The following MPHOSPH10 variants were observed in gnomAD, a reference collection of about 807,000 sequenced individuals.
The protein encoded by MPHOSPH10 is U3 small nucleolar ribonucleoprotein MPP10.
MPHOSPH10 carries 33 observed loss-of-function variants against 77.3 expected under a neutral mutation model. That is an observed-to-expected ratio of 0.43 (90% CI 0.32 to 0.57). The LOEUF (loss-of-function observed/expected upper bound fraction) is 0.57, where lower values mean the gene tolerates loss of function less well. Ranked by LOEUF, MPHOSPH10 falls within the 20% of genes least tolerant of loss-of-function variation. MPHOSPH10 has a pLI of 0.07. For missense variants in MPHOSPH10, 708 were observed against 780.1 expected, an observed-to-expected ratio of 0.91 and a Z score of 1.10; for synonymous variants, 245 against 268.0, an observed-to-expected ratio of 0.91 and a Z score of 0.84.
chr2:71,134,225 C>A (rs1040559580), intron 3 of MPHOSPH10, 120 bp downstream of exon 3: 2 of 984,416 alleles, frequency 2.0e-6, no homozygotes, highest in Non-Finnish European at 2.9e-6. Flanking sequence ...CAGATATTCT[C>A]AAGATAGCCA....
chr2:71,133,091 G>T lies in MPHOSPH10; in HGVS notation c.283G>T (p.Val95Phe), dbSNP rs953112485. Residue 95 changes from valine to phenylalanine, a missense_variant, in exon 2 of 11, where the codon GTT becomes TTT. Around this residue, in one of 3 missense-constraint regions of MPHOSPH10, gnomAD observed 433 missense variants for 432.6 expected, o/e 1.00. Coordinates refer to ENST00000244230, the MANE Select transcript of MPHOSPH10 (RefSeq NM_005791.3). ...AATTTTACAATACTTTCAGAATGCA[G>T]TTAGTGAAACAATTAATGATGAAGA... ...EPILQYFQNA[V>F]SETINDEDIS... is the part of the protein sequence containing the mutation. The T allele has an allele frequency of 2.5e-6, 4 of 1,614,204 alleles. No homozygotes were observed. Among genetic ancestry groups the T allele is most frequent in the Non-Finnish European group, 3.4e-6 (4 of 1,180,022 alleles).
At position 71,138,585 on chromosome 2, in the gene MPHOSPH10, C is replaced by A; in HGVS notation, c.1194C>A (p.Asn398Lys). 2 of 1,614,158 alleles carry A rather than the reference C, an allele frequency of 1.2e-6. No homozygotes were observed. The highest frequency in any genetic ancestry group is 2.2e-5 in the South Asian group (2 of 91,084). ...GEVTAQKRPE[N>K]SLLEETLHFD... ...TGACAGCACAGAAGAGGCCAGAGAACAGCCTCCTGGAGGAGACCCTACACT... is the reference window on the plus strand; with the variant it reads ...TGACAGCACAGAAGAGGCCAGAGAAAAGCCTCCTGGAGGAGACCCTACACT... The change falls in exon 5 of 11, where the codon AAC becomes AAA. Residue 398 changes from asparagine (N) to lysine (K), a missense_variant. By Grantham distance (94) the Asn-to-Lys change is moderately conservative (BLOSUM62 0). This residue lies in a region of MPHOSPH10 where 12 missense variants were observed against 27.6 expected (regional missense o/e 0.44). Coordinates refer to ENST00000244230, the MANE Select transcript of MPHOSPH10 (RefSeq NM_005791.3).
At chr2:71,134,166 C>T in intron 3 of MPHOSPH10, 61 bp downstream of exon 3, 3 of 1,462,792 alleles carry the variant, frequency 2.1e-6, no homozygotes, top group Non-Finnish European at 2.8e-6. Flanking sequence ...TGTGTGTGTA[C>T]TCGTAGTTAT....
At chr2:71,147,490 G>A (rs370369262) in intron 8 of MPHOSPH10, among the ~76,000 whole-genome samples, 1 of 152,204 alleles carries the variant, frequency 6.6e-6, no homozygotes, top group East Asian at 1.9e-4. Flanking sequence ...TGGCTAACAC[G>A]GTGAAACCCC....
At chr2:71,134,584 G>A in intron 3 of MPHOSPH10, 42 bp from the exon 4 acceptor site, 3 of 1,526,646 alleles carry the variant, frequency 2.0e-6, no homozygotes, top group Non-Finnish European at 2.6e-6. Context: ...TTTTCTAATG[G>A]AAAGTAGTAT....
chr2:71,140,788 A>ACCC (rs1404796056), intron 6 of MPHOSPH10, among the ~76,000 whole-genome samples: 1 of 152,216 alleles, frequency 6.6e-6, no homozygotes, highest in Non-Finnish European at 1.5e-5. Flanking sequence ...TCTAAAATAG[A>ACCC]AAGGGTTTAA....
chr2:71,133,541 G>A lies in MPHOSPH10; in HGVS notation c.733G>A (p.Asp245Asn), dbSNP rs769216149. Residue 245 changes from aspartate to asparagine, a missense_variant, in exon 2 of 11, where the codon GAT becomes AAT. By Grantham distance (23) the Asp-to-Asn change is conservative (BLOSUM62 1). This residue lies in a region of MPHOSPH10 where 433 missense variants were observed against 432.6 expected (regional missense o/e 1.00). Transcript: ENST00000244230. ...TTTTGAAGATATTGATTCTGATGAA[G>A]ATGAAGGGGGACTGTTTGGAAGTAA... is the stretch of plus-strand genomic sequence containing the variant. ...DFFEDIDSDE[D>N]EGGLFGSKKL... 6.2e-7 allele frequency: 1 copy of A among 1,606,642 alleles called. No individual in the cohort carries two copies. Among genetic ancestry groups the A allele is most frequent in the Non-Finnish European group, 8.5e-7 (1 of 1,177,332 alleles).
intron 5 of MPHOSPH10, chr2:71,139,562 A>G (rs1572899174): frequency 2.6e-6 from 1 of 378,578 alleles, no homozygotes; most frequent in Non-Finnish European, 4.7e-6. Context: ...ACTTACTACC[A>G]TATGTATCCT....
intron 1 of MPHOSPH10, among the ~76,000 whole-genome samples, chr2:71,132,149 C>A (rs1270140680): frequency 1.3e-5 from 2 of 152,242 alleles, no homozygotes. Flanking sequence ...TGCTCTAACT[C>A]CAGTCTAAAT....
intron 1 of MPHOSPH10, among the ~76,000 whole-genome samples, chr2:71,131,063 T>C (rs1673367378): frequency 6.6e-6 from 1 of 152,236 alleles, no homozygotes; most frequent in Non-Finnish European, 1.5e-5. Context: ...TCCTTCCTCC[T>C]ATGTGCTCTC....
intron 9 of MPHOSPH10, 141 bp downstream of exon 9, chr2:71,148,247 T>C (rs1168060441): frequency 7.7e-6 from 5 of 652,752 alleles, no homozygotes; most frequent in Non-Finnish European, 1.3e-5. Context: ...ATAAGCAAAC[T>C]AGTAATGTTA....
intron 9 of MPHOSPH10, 59 bp from the exon 10 acceptor site, chr2:71,149,164 C>G: frequency 6.9e-7 from 1 of 1,456,374 alleles, no homozygotes; most frequent in Non-Finnish European, 9.2e-7. Context: ...TTCTTCCATT[C>G]CAGTTTCCTA....
At chr2:71,149,492 TG>T in intron 10 of MPHOSPH10, 39 bp downstream of exon 10, 1 of 1,565,780 alleles carries the variant, frequency 6.4e-7, no homozygotes, top group South Asian at 1.2e-5. Context: ...AGGGGACCTT[TG>T]TGGGGGAAGT....
chr2:71,130,691 G>A lies in MPHOSPH10; in HGVS notation c.26G>A (p.Arg9Gln), dbSNP rs1247951687. 1.9e-6 allele frequency: 3 copies of A among 1,610,202 alleles called. No homozygotes were observed. Among genetic ancestry groups the A allele is most frequent in the East Asian group, 2.2e-5 (1 of 44,822 alleles). Residue 9 changes from arginine (R) to glutamine (Q), a missense_variant, in exon 1 of 11, where the codon CGG becomes CAG. Coordinates refer to ENST00000244230, the MANE Select transcript of MPHOSPH10 (RefSeq NM_005791.3). MAPQVWRRRTLERCLTEVG... is the reference protein window; with the variant it reads MAPQVWRRQTLERCLTEVG... Reference sequence around the variant, plus strand: ...ATGGCGCCGCAGGTCTGGCGTCGACGGACCCTGGAGCGGTGTCTGACGGAA... The same window carrying A: ...ATGGCGCCGCAGGTCTGGCGTCGACAGACCCTGGAGCGGTGTCTGACGGAA...
rs766609398 is a variant in MPHOSPH10, at chr2:71,133,557, T to G, written c.749T>G (p.Phe250Cys). Residue 250 changes from phenylalanine to cysteine, a missense_variant, in exon 2 of 11, where the codon TTT (phenylalanine) becomes TGT (cysteine). Phe to Cys is a radical substitution (Grantham distance 205, BLOSUM62 -2). This residue lies in a region of MPHOSPH10 where 433 missense variants were observed against 432.6 expected (regional missense o/e 1.00). Transcript: ENST00000244230. ...TCTGATGAAGATGAAGGGGGACTGT[T>G]TGGAAGTAAAAAACTTAAGGTAAAG... ...IDSDEDEGGL[F>C]GSKKLKSGKS... 3 of 1,584,094 alleles carry G rather than the reference T, an allele frequency of 1.9e-6. No individual in the cohort carries two copies.
Position 71,136,913 on chromosome 2 carries a change from AACACACACACACAC to A in MPHOSPH10, c.1099-1543_1099-1530del, listed in dbSNP as rs56768441. Among the ~76,000 whole-genome samples, 876 of 119,078 alleles carry A rather than the reference AACACACACACACAC, an allele frequency of 7.4e-3. 8 individuals are homozygous for A. Among genetic ancestry groups the A allele is most frequent in the Non-Finnish European group, 9.4e-3 (564 of 60,256 alleles). The allele number at this position is 119,078 out of a possible 152,430, so 78.1% of individuals were successfully genotyped here. ...CCAAACCTGACAGAGGTAGCATTAAAACACACACACACACACACACACACACACACACACACACA... is the reference window on the plus strand; with the variant it reads ...CCAAACCTGACAGAGGTAGCATTAAAACACACACACACACACACACACACA... On this transcript the variant is annotated intron_variant, in intron 4 of 10. Transcript: ENST00000244230.
At chr2:71,140,797 A>G (rs1183020759) in intron 6 of MPHOSPH10, among the ~76,000 whole-genome samples, 2 of 152,208 alleles carry the variant, frequency 1.3e-5, no homozygotes, top group African/African-American at 4.8e-5. Context: ...GAAAGGGTTT[A>G]AAGGGTGAGT....
rs929159311 is a variant in MPHOSPH10, at chr2:71,148,118, A to G, written c.1665+12A>G. 1.9e-6 allele frequency: 3 copies of G among 1,595,742 alleles called. No individual in the cohort carries two copies. Among genetic ancestry groups the G allele is most frequent in the African/African-American group, 1.3e-5 (1 of 74,610 alleles). On this transcript the variant is annotated intron_variant, in intron 9 of 10. Coordinates refer to ENST00000244230, the MANE Select transcript of MPHOSPH10 (RefSeq NM_005791.3). ...CAGAGGAGATCAAGGTAAGAAGCCA[A>G]TGTTGAAACCTTAAATGTCTGTTAC...
chr2:71,146,452 C>T (rs903954938), intron 8 of MPHOSPH10, among the ~76,000 whole-genome samples: 1 of 151,240 alleles, frequency 6.6e-6, no homozygotes, highest in Non-Finnish European at 1.5e-5. Context: ...TCTCCTGCCT[C>T]GGCCTCCCGA....
Sources: gnomAD v4.1 joint callset for allele counts (sites outside exome capture counted in the v4.1 genomes callset) on GRCh38, gnomAD v4.1.1 for gene constraint, gnomAD v4.1.1 regional missense constraint, MANE v1.5 for transcripts, NCBI Gene and HGNC (gene_info 2026-07-23, HGNC 2026-07-21) for gene names.